PRKN: variants seen among roughly 807,000 people sequenced by gnomAD.
PRKN encodes parkin RBR E3 ubiquitin protein ligase.
PRKN carries 56 observed loss-of-function variants against 59.5 expected under a neutral mutation model. That is an observed-to-expected ratio of 0.94 (90% confidence interval 0.76 to 1.18). The LOEUF (loss-of-function observed/expected upper bound fraction) is 1.18. PRKN is among the 50% of genes most tolerant of loss of function. The pLI, the probability that PRKN is intolerant of heterozygous loss-of-function variation, is 0.00. For synonymous variants in PRKN, 250 were observed against 222.1 expected (o/e 1.13, Z -1.12); for missense variants, 657 against 596.4 (o/e 1.10, Z -1.06).
chr6:162,181,925 A>G (rs1783819559), intron 4 of PRKN, among the ~76,000 whole-genome samples: 1 of 152,214 alleles, frequency 6.6e-6, no homozygotes, highest in African/African-American at 2.4e-5. Context: ...TACCTTATCA[A>G]AAACAGGAAA....
At chr6:161,672,581 G>A (rs1784948623) in intron 7 of PRKN, among the ~76,000 whole-genome samples, 1 of 152,144 alleles carries the variant, frequency 6.6e-6, no homozygotes. Flanking sequence ...TTCGAGACCA[G>A]CCTGGACAAC....
intron 4 of PRKN, among the ~76,000 whole-genome samples, chr6:162,133,783 G>A (rs1482261567): frequency 6.6e-6 from 1 of 152,118 alleles, no homozygotes; most frequent in Non-Finnish European, 1.5e-5. Flanking sequence ...GGACTCTGAT[G>A]TCCCAGAAGT....
intron 7 of PRKN, among the ~76,000 whole-genome samples, chr6:161,682,327 G>T (rs538269174): frequency 6.6e-6 from 1 of 152,358 alleles, no homozygotes; most frequent in South Asian, 2.1e-4. Context: ...CGGGAATGCT[G>T]AGATGGAATT....
chr6:161,978,489 A>T (rs1433628750), intron 5 of PRKN, among the ~76,000 whole-genome samples: 1 of 152,220 alleles, frequency 6.6e-6, no homozygotes, highest in Non-Finnish European at 1.5e-5. Context: ...CGAAAATTCC[A>T]CCTTGGGTGT....
intron 3 of PRKN, among the ~76,000 whole-genome samples, chr6:162,250,191 G>A (rs889302021): frequency 6.6e-6 from 1 of 151,756 alleles, no homozygotes; most frequent in Non-Finnish European, 1.5e-5. Context: ...TTATAAGGGG[G>A]GGGGCAGGGA....
At chr6:162,412,292 ATC>A (rs1788389352) in intron 2 of PRKN, among the ~76,000 whole-genome samples, 2 of 152,248 alleles carry the variant, frequency 1.3e-5, no homozygotes, top group Admixed American at 1.3e-4. Flanking sequence ...AGGATGGCAT[ATC>A]TAGAGCAAGG....
At chr6:161,885,466 C>T (rs545700132) in intron 6 of PRKN, among the ~76,000 whole-genome samples, 2 of 152,152 alleles carry the variant, frequency 1.3e-5, no homozygotes, top group Admixed American at 6.5e-5. Flanking sequence ...AGATAGAGAC[C>T]ATCCTGGCTA....
intron 2 of PRKN, among the ~76,000 whole-genome samples, chr6:162,316,581 A>T (rs1010947255): frequency 2.0e-5 from 3 of 152,120 alleles, no homozygotes; most frequent in African/African-American, 7.2e-5. Context: ...ATTTTAAATA[A>T]ACCAAAAGGA....
At chr6:161,827,487 G>A (rs964809576) in intron 6 of PRKN, among the ~76,000 whole-genome samples, 3 of 148,252 alleles carry the variant, frequency 2.0e-5, no homozygotes, top group Non-Finnish European at 4.5e-5. Context: ...GCTCTACCTT[G>A]TATTCACCTC....
At chr6:162,411,908 T>C (rs1163366254) in intron 2 of PRKN, among the ~76,000 whole-genome samples, 3 of 152,160 alleles carry the variant, frequency 2.0e-5, no homozygotes, top group Non-Finnish European at 4.4e-5. Context: ...CTATCAACCC[T>C]GATACTTCTT....
intron 2 of PRKN, among the ~76,000 whole-genome samples, chr6:162,392,474 G>A (rs1016867214): frequency 3.3e-5 from 5 of 152,098 alleles, no homozygotes; most frequent in Admixed American, 6.6e-5. Flanking sequence ...TAATGTCTCT[G>A]ATTCTACAAC....
intron 1 of PRKN, among the ~76,000 whole-genome samples, chr6:162,591,507 G>C (rs916640116): frequency 6.6e-6 from 1 of 152,082 alleles, no homozygotes; most frequent in Non-Finnish European, 1.5e-5. Flanking sequence ...CGATGCAATT[G>C]TAAGATTATT....
At chr6:162,661,062 G>A (rs944971003) in intron 1 of PRKN, among the ~76,000 whole-genome samples, 5 of 152,112 alleles carry the variant, frequency 3.3e-5, no homozygotes, top group Admixed American at 2.6e-4. Context: ...AGGAGTTCAA[G>A]ATAAGCCTGA....
At chr6:162,720,314 T>G (rs1474209201) in intron 1 of PRKN, among the ~76,000 whole-genome samples, 2 of 152,116 alleles carry the variant, frequency 1.3e-5, no homozygotes, top group Non-Finnish European at 1.5e-5. Context: ...CCTCCAAAGT[T>G]AAGGGCTCTC....
chr6:162,317,722 G>A (rs1782811136), intron 2 of PRKN, among the ~76,000 whole-genome samples: 1 of 152,062 alleles, frequency 6.6e-6, no homozygotes, highest in South Asian at 2.1e-4. Flanking sequence ...GCTCCTGAGG[G>A]TAGAGCATTG....
At chr6:162,523,325 G>A (rs140831994) in intron 1 of PRKN, among the ~76,000 whole-genome samples, 1 of 152,240 alleles carries the variant, frequency 6.6e-6, no homozygotes, top group African/African-American at 2.4e-5. Context: ...AGTCTCAATG[G>A]AAGCGATGGA....
chr6:162,394,435 C>T lies in PRKN; in HGVS notation c.171+48875G>A, dbSNP rs149212730. Reference sequence around the variant, plus strand: ...ACATTTTTAAGGTTAACTGAGTACTCGATGTAATTGTAATACATCCACCTA... The same window carrying T: ...ACATTTTTAAGGTTAACTGAGTACTTGATGTAATTGTAATACATCCACCTA... On this transcript the variant is annotated intron_variant, in intron 2 of 11. Coordinates refer to ENST00000366898, the MANE Select transcript of PRKN (RefSeq NM_004562.3). Among the ~76,000 whole-genome samples, 760 of 152,206 alleles carry T rather than the reference C, an allele frequency of 5.0e-3. 5 individuals carry two copies. The highest frequency in any genetic ancestry group is 0.017 in the African/African-American group (701 of 41,516).
At chr6:162,442,985 ATAAG>A (rs1488634061) in intron 2 of PRKN, among the ~76,000 whole-genome samples, 2 of 152,168 alleles carry the variant, frequency 1.3e-5, no homozygotes, top group Non-Finnish European at 2.9e-5. Flanking sequence ...TTCAAATGGA[ATAAG>A]TAAGGTAGAA....
In PRKN at chr6:161,865,932, A is replaced by T. The variant is rs1794094846; in HGVS notation, c.735-80024T>A. The stretch of plus-strand genomic sequence containing the variant: ...AGTTTTTGGCCTATCTCAGCTTTCA[A>T]CGTCTTCCTCACTAAGCTTAATCAT... On this transcript the variant is annotated intron_variant, in intron 6 of 11. Transcript: ENST00000366898. Among the ~76,000 whole-genome samples the T allele has an allele frequency of 2.6e-5, 4 of 152,334 alleles. No homozygotes were observed. The South Asian group carries it at 8.3e-4, about 32-fold the overall frequency.
Sources: gnomAD v4.1 joint callset for allele counts (sites outside exome capture counted in the v4.1 genomes callset) on GRCh38, gnomAD v4.1.1 for gene constraint, MANE v1.5 for transcripts, NCBI Gene and HGNC (gene_info 2026-07-23, HGNC 2026-07-21) for gene names.